Variants in UBE2U observed in about 807,000 individuals in gnomAD.
UBE2U encodes the protein ubiquitin conjugating enzyme E2 U, also known as ubiquitin-conjugating enzyme E2 U.
A neutral mutation model predicts 41.2 loss-of-function variants in UBE2U; 39 were observed. The observed-to-expected ratio is 0.95, with a 90% CI of 0.73 to 1.24. The LOEUF (loss-of-function observed/expected upper bound fraction) is 1.24. Among genes scored for constraint, UBE2U ranks in the 50% most tolerant of loss-of-function variants. The pLI, the probability that UBE2U is intolerant of heterozygous loss-of-function variation, is 0.00. For missense variants in UBE2U, 336 were observed against 363.1 expected (o/e 0.93, Z 0.61); for synonymous variants, 107 against 117.8 (o/e 0.91, Z 0.60).
chr1:64,232,382 A>G (rs1240614913), intron 6 of UBE2U, among the ~76,000 whole-genome samples, 179 bp from the exon 7 acceptor site: 1 of 152,116 alleles, frequency 6.6e-6, no homozygotes, highest in African/African-American at 2.4e-5. Flanking sequence ...CGTTATTTGT[A>G]TTCATTATTG....
At chr1:64,212,104 A>G (rs1651699998) in intron 4 of UBE2U, among the ~76,000 whole-genome samples, 1 of 152,220 alleles carries the variant, frequency 6.6e-6, no homozygotes, top group Non-Finnish European at 1.5e-5. Flanking sequence ...CATTCATTCT[A>G]CAAATATGTA....
intron 5 of UBE2U, among the ~76,000 whole-genome samples, chr1:64,216,546 C>T (rs1322688163): frequency 6.6e-6 from 1 of 152,200 alleles, no homozygotes; most frequent in East Asian, 1.9e-4. Context: ...CATACTTTCC[C>T]GGGCCTGCTG....
intron 7 of UBE2U, among the ~76,000 whole-genome samples, chr1:64,233,572 C>A (rs540392630): frequency 6.6e-6 from 1 of 152,242 alleles, no homozygotes; most frequent in African/African-American, 2.4e-5. Flanking sequence ...CTTTTTATTT[C>A]TCCTCTAAGC....
At chr1:64,219,040 G>C (rs1652232476) in intron 5 of UBE2U, among the ~76,000 whole-genome samples, 1 of 152,102 alleles carries the variant, frequency 6.6e-6, no homozygotes, top group South Asian at 2.1e-4. Flanking sequence ...CCTGCTTGCT[G>C]CTCAATCCCC....
chr1:64,251,923 C>A (rs1570129521), intron 8 of UBE2U, among the ~76,000 whole-genome samples: 1 of 152,188 alleles, frequency 6.6e-6, no homozygotes. Flanking sequence ...TTTCACAGCA[C>A]CTCACAAGTT....
intron 3 of UBE2U, among the ~76,000 whole-genome samples, chr1:64,209,290 G>A (rs1228729037): frequency 6.6e-6 from 1 of 152,070 alleles, no homozygotes; most frequent in Non-Finnish European, 1.5e-5. Flanking sequence ...CTCTAGGAGG[G>A]GGAAGGTATA....
chr1:64,251,898 T>G (rs561603625), intron 8 of UBE2U, among the ~76,000 whole-genome samples: 20 of 152,286 alleles, frequency 1.3e-4, no homozygotes, highest in African/African-American at 4.6e-4. Flanking sequence ...AGCAGCACCA[T>G]CCTGAGGGTC....
chr1:64,205,759 C>T (rs747582816), intron 2 of UBE2U, 39 bp downstream of exon 2: 1 of 1,533,006 alleles, frequency 6.5e-7, no homozygotes, highest in Non-Finnish European at 9.0e-7. Flanking sequence ...TTAAAAAAGT[C>T]TTTATACCAT....
At chr1:64,207,834 C>T (rs1454334957) in intron 3 of UBE2U, among the ~76,000 whole-genome samples, 1 of 152,102 alleles carries the variant, frequency 6.6e-6, no homozygotes, top group Non-Finnish European at 1.5e-5. Flanking sequence ...AACTTCTCTA[C>T]GGCCCAGGAC....
At chr1:64,259,602 T>C (rs1422827618) in intron 8 of UBE2U, among the ~76,000 whole-genome samples, 2 of 152,144 alleles carry the variant, frequency 1.3e-5, no homozygotes, top group East Asian at 3.8e-4. Context: ...TTTCTTGTTT[T>C]TGACAAAAAC....
chr1:64,247,490 T>C (rs955429230), intron 8 of UBE2U, among the ~76,000 whole-genome samples: 13 of 152,134 alleles, frequency 8.5e-5, no homozygotes, highest in South Asian at 2.1e-4. Flanking sequence ...ACTAATGCCT[T>C]CCCTTGGGCA....
intron 6 of UBE2U, 31 bp from the exon 7 acceptor site, chr1:64,232,530 C>G: frequency 2.0e-6 from 3 of 1,532,638 alleles, no homozygotes; most frequent in Non-Finnish European, 2.7e-6. Context: ...TTACAAACTG[C>G]CCATCGTCTG....
At chr1:64,263,631 A>G (rs1200167635) in intron 9 of UBE2U, among the ~76,000 whole-genome samples, 2 of 152,164 alleles carry the variant, frequency 1.3e-5, no homozygotes, top group Non-Finnish European at 1.5e-5. Flanking sequence ...CTTATATAGG[A>G]TATCAAAGGG....
chr1:64,203,700 G>C lies in UBE2U; in HGVS notation c.-351G>C, dbSNP rs1651111902. On this transcript the variant is annotated 5_prime_UTR_variant, in exon 1 of 10. Coordinates refer to ENST00000371077, the MANE Select transcript of UBE2U (RefSeq NM_001366232.2). Reference sequence around the variant, plus strand: ...AGACAACCTGCTAGGACCCTGATAGGCGTACACCTCTCACTCCCACTCACG... The same window carrying C: ...AGACAACCTGCTAGGACCCTGATAGCCGTACACCTCTCACTCCCACTCACG... 5.1e-6 allele frequency: 1 copy of C among 196,134 alleles called. No homozygotes were observed. The allele number at this position is 196,134 out of a possible 1,614,324, so 12.1% of individuals were successfully genotyped here.
At position 64,260,618 on chromosome 1, in the gene UBE2U, G is replaced by GT; in HGVS notation, c.694dup (p.Cys232LeufsTer5). On this transcript the variant is annotated frameshift_variant, in exon 9 of 10. Coordinates refer to ENST00000371077, the MANE Select transcript of UBE2U (RefSeq NM_001366232.2). LOFTEE classifies it high-confidence loss of function. The stretch of plus-strand genomic sequence containing the variant: ...CTCTTTCTAGGTATTCCGTTATCAA[G>GT]TGTTGGCTTGCTAGAAAAAGAATGC... 1 of 1,548,910 alleles carries GT rather than the reference G, an allele frequency of 6.5e-7. No individual in the cohort carries two copies. The highest frequency in any genetic ancestry group is 8.7e-7 in the Non-Finnish European group (1 of 1,146,538).
rs139887828 is a variant in UBE2U, at chr1:64,220,894, C to G, written c.493C>G (p.Arg165Gly). Residue 165 changes from arginine (R) to glycine (G), a missense_variant, in exon 6 of 10, where the codon CGT (arginine) becomes GGT (glycine). Arg to Gly is a moderately radical substitution (Grantham distance 125). Coordinates refer to ENST00000371077, the MANE Select transcript of UBE2U (RefSeq NM_001366232.2). ...DDSQELPKDP[R>G]KCIRPIKTTS... ...CAGCCAGGAGTTACCTAAAGACCCA[C>G]GTAAATGTATCAGGTAAGTTTTTCT... is the stretch of plus-strand genomic sequence containing the variant. 5.6e-6 allele frequency: 9 copies of G among 1,603,990 alleles called. No homozygotes were observed. In the South Asian group the frequency reaches 1.0e-4, roughly 18 times the overall value.
intron 6 of UBE2U, among the ~76,000 whole-genome samples, chr1:64,231,210 T>C (rs1241137382): frequency 6.7e-6 from 1 of 150,282 alleles, no homozygotes; most frequent in Non-Finnish European, 1.5e-5. Flanking sequence ...GAAAAGGTCA[T>C]GGGTCGTGGT....
chr1:64,226,151 C>A (rs1004913616), intron 6 of UBE2U, among the ~76,000 whole-genome samples: 1 of 151,914 alleles, frequency 6.6e-6, no homozygotes, highest in African/African-American at 2.4e-5. Context: ...ATAAATTGTG[C>A]TTTATTAATA....
chr1:64,226,836 C>T (rs899167465), intron 6 of UBE2U, among the ~76,000 whole-genome samples: 2 of 151,782 alleles, frequency 1.3e-5, no homozygotes, highest in African/African-American at 2.4e-5. Context: ...GAGATTACTA[C>T]ACGAAAGGAA....
Sources: allele counts gnomAD v4.1 joint callset (sites outside exome capture counted in the v4.1 genomes callset), GRCh38; gene constraint gnomAD v4.1.1; transcripts MANE v1.5; gene names NCBI Gene and HGNC (gene_info 2026-07-23, HGNC 2026-07-21).